RNF217: variants seen among roughly 807,000 people sequenced by gnomAD.
The protein encoded by RNF217 is E3 ubiquitin-protein ligase RNF217.
In RNF217, 31 loss-of-function variants were observed where a neutral mutation model predicts 57.8. The ratio of observed to expected loss-of-function variants is 0.54; its 90% CI spans 0.40 to 0.72. The LOEUF is 0.72. RNF217 is among the 30% of genes least tolerant of loss of function. RNF217 has a pLI of 0.00. For synonymous variants in RNF217, 313 were observed against 294.0 expected (o/e 1.06, Z -0.66); for missense variants, 696 against 708.3 (o/e 0.98, Z 0.20).
At chr6:125,003,617 G>C (rs573881967) in intron 1 of RNF217, among the ~76,000 whole-genome samples, 1 of 152,152 alleles carries the variant, frequency 6.6e-6, no homozygotes, top group Admixed American at 6.5e-5. Context: ...AAACATATAA[G>C]GTGATGGATT....
chr6:125,086,194 A>T lies in RNF217; in HGVS notation c.*3257A>T, dbSNP rs2065946200. The T allele has an allele frequency of 2.0e-5, 3 of 151,988 alleles. No homozygotes were observed. The highest frequency in any genetic ancestry group is 4.4e-5 in the Non-Finnish European group (3 of 67,930). 9.4% of individuals were successfully genotyped at this position (151,988 alleles called of 1,614,324 possible). ...GATAATATGAGACCCTTTTTTGGAT[A>T]AAAAGAAAGATTGTACAGGAGTGCA... On this transcript the variant is annotated 3_prime_UTR_variant, in exon 6 of 6. Coordinates refer to ENST00000521654, the MANE Select transcript of RNF217 (RefSeq NM_001286398.3).
intron 3 of RNF217, among the ~76,000 whole-genome samples, chr6:125,061,813 A>C (rs1429104207): frequency 6.6e-6 from 1 of 151,924 alleles, no homozygotes; most frequent in Non-Finnish European, 1.5e-5. Flanking sequence ...TGAGTTTAAA[A>C]AGTCATTCAG....
intron 1 of RNF217, among the ~76,000 whole-genome samples, chr6:125,024,037 T>G (rs2114429291): frequency 6.6e-6 from 1 of 152,310 alleles, no homozygotes; most frequent in Admixed American, 6.5e-5. Flanking sequence ...AACAATGCAT[T>G]GTATACTTGA....
intron 1 of RNF217, among the ~76,000 whole-genome samples, chr6:125,029,673 G>GA (rs770363577): frequency 1.3e-5 from 2 of 152,168 alleles, no homozygotes; most frequent in Non-Finnish European, 2.9e-5. Flanking sequence ...TAAAAATGTA[G>GA]AACGTGCATT....
chr6:125,052,454 A>G (rs1252011242), intron 2 of RNF217, among the ~76,000 whole-genome samples: 1 of 152,020 alleles, frequency 6.6e-6, no homozygotes, highest in East Asian at 1.9e-4. Context: ...TCACTTGGCC[A>G]CATTTGGACT....
chr6:125,043,959 A>G lies in RNF217; in HGVS notation c.883-1252A>G, dbSNP rs143328651. ...AGCTCATGTCCTTTTCTGGTATTCAATATGTCACCCCATGCATCCTTCAGC... is the reference window on the plus strand; with the variant it reads ...AGCTCATGTCCTTTTCTGGTATTCAGTATGTCACCCCATGCATCCTTCAGC... On this transcript the variant is annotated intron_variant, in intron 1 of 5. Coordinates refer to ENST00000521654, the MANE Select transcript of RNF217 (RefSeq NM_001286398.3). 3.3e-3 allele frequency among the ~76,000 whole-genome samples: 497 copies of G among 152,172 alleles called. 1 individual carries two copies. The highest frequency in any genetic ancestry group is 5.9e-3 in the Non-Finnish European group (401 of 67,982).
chr6:124,986,594 A>G (rs1371162315), intron 1 of RNF217, among the ~76,000 whole-genome samples: 3 of 152,184 alleles, frequency 2.0e-5, no homozygotes, highest in African/African-American at 7.2e-5. Flanking sequence ...AATTGGTGCA[A>G]TAGCTTTCTT....
At position 125,089,850 on chromosome 6, in the gene RNF217, A is replaced by T. The variant is rs534085018; in HGVS notation, c.*6913A>T. 3.3e-5 allele frequency: 5 copies of T among 152,254 alleles called. No individual in the cohort carries two copies. The highest frequency in any genetic ancestry group is 3.9e-4 in the East Asian group (2 of 5,188). 9.4% of individuals were successfully genotyped at this position (152,254 alleles called of 1,614,324 possible). On this transcript the variant is annotated 3_prime_UTR_variant, in exon 6 of 6. Coordinates refer to ENST00000521654, the MANE Select transcript of RNF217 (RefSeq NM_001286398.3). ...AAAACAGCATTTTTGTGAATGTATT[A>T]CTTCTTCAATATCCCCATATATTTG...
chr6:124,970,800 G>A (rs1381000312), intron 1 of RNF217, among the ~76,000 whole-genome samples: 3 of 152,198 alleles, frequency 2.0e-5, no homozygotes, highest in African/African-American at 4.8e-5. Flanking sequence ...CTAAAAGGGA[G>A]TGGGCTAATT....
rs1788925371 is a variant in RNF217 at position 125,090,965 on chromosome 6, T to A, written c.*8028T>A. 1 of 152,030 alleles carries A rather than the reference T, an allele frequency of 6.6e-6. No individual in the cohort carries two copies. The highest frequency in any genetic ancestry group is 6.5e-5 in the Admixed American group (1 of 15,272). 9.4% of individuals were successfully genotyped at this position (152,030 alleles called of 1,614,324 possible). On this transcript the variant is annotated 3_prime_UTR_variant, in exon 6 of 6. Coordinates refer to ENST00000521654, the MANE Select transcript of RNF217 (RefSeq NM_001286398.3). ...GAGTAAATTTTTTAATTAGACAATG[T>A]TGATATGCAGAAATCTCTCAAAAGA... is the stretch of plus-strand genomic sequence containing the variant.
chr6:125,069,640 A>G (rs928432936), intron 3 of RNF217, among the ~76,000 whole-genome samples: 1 of 151,978 alleles, frequency 6.6e-6, no homozygotes, highest in Admixed American at 6.6e-5. Flanking sequence ...TTCATGAACT[A>G]TTTTCTTTTG....
chr6:125,078,197 A>G (rs1788451065), intron 4 of RNF217, among the ~76,000 whole-genome samples: 2 of 152,202 alleles, frequency 1.3e-5, no homozygotes. Context: ...TTAAACAGAT[A>G]TTGGAGGGAT....
At chr6:124,971,172 C>G (rs1783744774) in intron 1 of RNF217, 2 of 152,264 alleles carry the variant, frequency 1.3e-5, no homozygotes, top group Non-Finnish European at 2.9e-5. Context: ...GCTCTAAAAC[C>G]TATGGCTTTT....
intron 3 of RNF217, among the ~76,000 whole-genome samples, chr6:125,068,811 G>A (rs1278851579): frequency 1.3e-5 from 2 of 152,166 alleles, no homozygotes; most frequent in African/African-American, 4.8e-5. Flanking sequence ...TGAGATGCAA[G>A]TAAGAACAAT....
At position 125,086,115 on chromosome 6, in the gene RNF217, A is replaced by C. The variant is rs1330761043; in HGVS notation, c.*3178A>C. 2 of 152,012 alleles carry C rather than the reference A, an allele frequency of 1.3e-5. No homozygotes were observed. Among genetic ancestry groups the C allele is most frequent in the Non-Finnish European group, 2.9e-5 (2 of 67,908 alleles). The allele number at this position is 152,012 out of a possible 1,614,324, so 9.4% of individuals were successfully genotyped here. On this transcript the variant is annotated 3_prime_UTR_variant, in exon 6 of 6. Transcript: ENST00000521654. The stretch of plus-strand genomic sequence containing the variant: ...CCATAAGGTTGTACATTTGTTTTTT[A>C]CAAGATCTTTGTAATAAACATTTTA...
At chr6:125,044,040 A>G (rs1013488581) in intron 1 of RNF217, among the ~76,000 whole-genome samples, 1 of 147,246 alleles carries the variant, frequency 6.8e-6, no homozygotes, top group African/African-American at 2.5e-5. Flanking sequence ...AGCAATGTTA[A>G]AAGTTACTAT....
At chr6:125,013,351 A>ATGTGTGTGTGTGTGTG (rs61504994) in intron 1 of RNF217, among the ~76,000 whole-genome samples, 4 of 141,296 alleles carry the variant, frequency 2.8e-5, no homozygotes, top group East Asian at 4.1e-4. Flanking sequence ...TGTTTTGTGT[A>ATGTGTGTGTGTGTGTG]TGTGTGTGTG....
In RNF217 at chr6:125,089,891, C is replaced by T. The variant is rs1020735738; in HGVS notation, c.*6954C>T. ...CATATATTTGTATTGTTTCAAGCCA[C>T]TAGTATCTAAATTTTTGATATAAAT... On this transcript the variant is annotated 3_prime_UTR_variant, in exon 6 of 6. Coordinates refer to ENST00000521654, the MANE Select transcript of RNF217 (RefSeq NM_001286398.3). The T allele has an allele frequency of 2.0e-5, 3 of 152,066 alleles. No individual in the cohort carries two copies. The South Asian group carries it at 6.2e-4, about 32-fold the overall frequency. 9.4% of individuals were successfully genotyped at this position (152,066 alleles called of 1,614,324 possible).
chr6:125,059,928 T>A (rs1239251265), intron 3 of RNF217, among the ~76,000 whole-genome samples: 3 of 152,150 alleles, frequency 2.0e-5, no homozygotes, highest in African/African-American at 4.8e-5. Context: ...AGAGCCTACT[T>A]TCTGGTGGGA....
Sources: allele counts gnomAD v4.1 joint callset (sites outside exome capture counted in the v4.1 genomes callset), GRCh38; gene constraint gnomAD v4.1.1; transcripts MANE v1.5; gene names NCBI Gene and HGNC (gene_info 2026-07-23, HGNC 2026-07-21).